Variants in SH3BGRL observed in about 807,000 individuals in gnomAD.
SH3BGRL encodes the protein adapter SH3BGRL.
Under a neutral mutation model 9.8 loss-of-function variants are expected in SH3BGRL, and 7 were observed. The observed-to-expected ratio is 0.72, with a 90% CI of 0.41 to 1.35. SH3BGRL has a LOEUF of 1.35. Ranked by LOEUF, SH3BGRL falls within the 40% of genes most tolerant of loss-of-function variation. The pLI, the probability that SH3BGRL is intolerant of heterozygous loss-of-function variation, is 0.01. For missense variants in SH3BGRL, 73 were observed against 84.4 expected (o/e 0.86, Z 0.53); for synonymous variants, 36 against 29.1 (o/e 1.24, Z -0.76).
chrX:81,218,752 TATATAG>T (rs1158589835), intron 1 of SH3BGRL, among the ~76,000 whole-genome samples: 1 of 102,447 alleles, frequency 9.8e-6, no homozygotes, highest in Non-Finnish European at 2.0e-5. Context: ...CACATACAGA[TATATAG>T]ATATAGATAT....
intron 1 of SH3BGRL, among the ~76,000 whole-genome samples, chrX:81,240,307 T>C (rs1382233099): frequency 8.9e-6 from 1 of 112,306 alleles, no homozygotes; most frequent in East Asian, 2.8e-4. Context: ...TTTTTATTAG[T>C]TTTATTTTGC....
At chrX:81,214,739 C>T (rs1362962548) in intron 1 of SH3BGRL, among the ~76,000 whole-genome samples, 1 of 111,750 alleles carries the variant, frequency 8.9e-6, no homozygotes, top group African/African-American at 3.2e-5. Flanking sequence ...TTATTACCCT[C>T]GTAAAAAATA....
At chrX:81,242,155 G>T (rs1280422649) in intron 1 of SH3BGRL, among the ~76,000 whole-genome samples, 3 of 112,247 alleles carry the variant, frequency 2.7e-5, no homozygotes, top group Non-Finnish European at 5.6e-5. Context: ...AGAATCCCAT[G>T]ACAAAATTAT....
intron 1 of SH3BGRL, among the ~76,000 whole-genome samples, chrX:81,240,889 G>C (rs945161300): frequency 1.8e-5 from 2 of 112,763 alleles, no homozygotes; most frequent in Non-Finnish European, 3.8e-5. Flanking sequence ...AGCCAGTGGG[G>C]GCTGGTAACA....
intron 1 of SH3BGRL, among the ~76,000 whole-genome samples, chrX:81,228,987 G>A (rs1473172377): frequency 1.8e-5 from 2 of 111,810 alleles, no homozygotes; most frequent in African/African-American, 6.5e-5. Flanking sequence ...TAGAATGACA[G>A]TCCTCTTTTA....
intron 1 of SH3BGRL, among the ~76,000 whole-genome samples, chrX:81,222,329 C>G (rs1330222311): frequency 6.2e-5 from 5 of 80,855 alleles, no homozygotes; most frequent in Non-Finnish European, 1.2e-4. Flanking sequence ...CCCCTCCCCC[C>G]ACCCCACAAC....
In SH3BGRL at chrX:81,204,960, C is replaced by T. The variant is rs960751580; in HGVS notation, c.45+2715C>T. Among the ~76,000 whole-genome samples, 5 of 112,396 alleles carry T rather than the reference C, an allele frequency of 4.4e-5. No individual in the cohort carries two copies. In the South Asian group the frequency reaches 1.8e-3, roughly 41 times the overall value. On this transcript the variant is annotated intron_variant, in intron 1 of 3. Coordinates refer to ENST00000373212, the MANE Select transcript of SH3BGRL (RefSeq NM_003022.3). ...TTTTTATTGATATATCATAATTGTG[C>T]ATATTTATGGGGGACATATGATCTT...
chrX:81,252,396 C>A (rs753957370), intron 1 of SH3BGRL, among the ~76,000 whole-genome samples: 24 of 111,848 alleles, frequency 2.1e-4, no homozygotes, highest in Non-Finnish European at 1.5e-4. Context: ...TAGAATAAAT[C>A]ATCTAAGATA....
chrX:81,249,541 T>C (rs1034897222), intron 1 of SH3BGRL, among the ~76,000 whole-genome samples: 2 of 112,481 alleles, frequency 1.8e-5, no homozygotes, highest in Admixed American at 9.4e-5. Context: ...CCTTTTATAA[T>C]GTGAACCTTG....
chrX:81,277,655 A>G (rs1263357752), intron 2 of SH3BGRL, among the ~76,000 whole-genome samples: 3 of 112,302 alleles, frequency 2.7e-5, no homozygotes, highest in South Asian at 7.4e-4. Flanking sequence ...ATAATGGAAC[A>G]GAAATATGGT....
At chrX:81,213,870 A>ACT (rs1462895677) in intron 1 of SH3BGRL, among the ~76,000 whole-genome samples, 1 of 112,249 alleles carries the variant, frequency 8.9e-6, no homozygotes, top group African/African-American at 3.2e-5. Flanking sequence ...TGCTAGATGG[A>ACT]AACGTGTGAC....
chrX:81,232,828 G>T (rs1032794049), intron 1 of SH3BGRL, among the ~76,000 whole-genome samples: 1 of 111,498 alleles, frequency 9.0e-6, no homozygotes, highest in Non-Finnish European at 1.9e-5. Context: ...ACTCACCTCA[G>T]TCACTTCACC....
Position 81,278,345 on chromosome X carries a change from C to T in SH3BGRL, c.246C>T (p.Phe82=). Reference sequence around the variant, plus strand: ...TTTTCATCAAGGACTATGATGCCTTCTTTGAAGCCAGAGAAAATAATGCAG... The same window carrying T: ...TTTTCATCAAGGACTATGATGCCTTTTTTGAAGCCAGAGAAAATAATGCAG... ...ESQYRGDYDA[F]FEARENNAVY... Residue 82 remains phenylalanine, a synonymous_variant, in exon 3 of 4, where the codon TTC becomes TTT. Coordinates refer to ENST00000373212, the MANE Select transcript of SH3BGRL (RefSeq NM_003022.3). 1 of 1,195,439 alleles carries T rather than the reference C, an allele frequency of 8.4e-7. No individual in the cohort carries two copies. The highest frequency in any genetic ancestry group is 3.0e-5 in the East Asian group (1 of 33,479).
intron 1 of SH3BGRL, among the ~76,000 whole-genome samples, chrX:81,222,802 G>A (rs1230636678): frequency 9.0e-6 from 1 of 111,632 alleles, no homozygotes; most frequent in Admixed American, 9.5e-5. Flanking sequence ...GTGTAAAAGT[G>A]TTCCTATTTC....
chrX:81,252,193 A>G (rs2075712968), intron 1 of SH3BGRL, among the ~76,000 whole-genome samples: 1 of 112,158 alleles, frequency 8.9e-6, no homozygotes, highest in African/African-American at 3.2e-5. Context: ...CCTGAGATAT[A>G]CCTGAAACAT....
At chrX:81,285,720 G>A (rs570000239) in intron 3 of SH3BGRL, among the ~76,000 whole-genome samples, 28 of 111,531 alleles carry the variant, frequency 2.5e-4, no homozygotes, top group South Asian at 7.4e-4. Flanking sequence ...TAACGATAGC[G>A]TCAACAAAAA....
chrX:81,293,800 G>T (rs915934020), intron 3 of SH3BGRL, among the ~76,000 whole-genome samples: 3 of 112,226 alleles, frequency 2.7e-5, no homozygotes, highest in Non-Finnish European at 5.6e-5. Context: ...GAGACTTATT[G>T]AATGACTTTG....
intron 1 of SH3BGRL, among the ~76,000 whole-genome samples, chrX:81,273,385 C>A (rs959284593): frequency 8.9e-6 from 1 of 112,281 alleles, no homozygotes; most frequent in Non-Finnish European, 1.9e-5. Context: ...TTAAATATAT[C>A]TATTTCTAAT....
intron 1 of SH3BGRL, among the ~76,000 whole-genome samples, chrX:81,213,910 G>A (rs1222374738): frequency 8.9e-6 from 1 of 111,984 alleles, no homozygotes; most frequent in Non-Finnish European, 1.9e-5. Flanking sequence ...TGGACGGAGA[G>A]TAGATATGGG....
Sources: allele counts gnomAD v4.1 joint callset (sites outside exome capture counted in the v4.1 genomes callset), GRCh38; gene constraint gnomAD v4.1.1; transcripts MANE v1.5; gene names NCBI Gene and HGNC (gene_info 2026-07-23, HGNC 2026-07-21).